Variants in TEX14 observed in about 807,000 individuals in gnomAD.
TEX14 encodes testis expressed 14, intercellular bridge forming factor.
Under a neutral mutation model 178.6 loss-of-function variants are expected in TEX14, and 168 were observed. The observed-to-expected ratio is 0.94, with a 90% CI of 0.83 to 1.07. TEX14 has a LOEUF of 1.07. TEX14 is among the 50% of genes least tolerant of loss of function. The pLI is 0.00. For synonymous variants in TEX14, 626 were observed against 634.1 expected, an observed-to-expected ratio of 0.99 and a Z score of 0.19; for missense variants, 1,730 against 1,753.6, an observed-to-expected ratio of 0.99 and a Z score of 0.24.
intron 2 of TEX14, among the ~76,000 whole-genome samples, chr17:58,635,428 CTTTTTTT>C: frequency 7.7e-6 from 1 of 129,572 alleles, no homozygotes; most frequent in East Asian, 2.3e-4. Context: ...GGGCTTCTCT[CTTTTTTT>C]TTTTTTTTTT....
chr17:58,645,266 G>A (rs1278544740), intron 2 of TEX14, among the ~76,000 whole-genome samples: 1 of 152,128 alleles, frequency 6.6e-6, no homozygotes, highest in Non-Finnish European at 1.5e-5. Context: ...GGGATTACAG[G>A]CGTGAGCCAC....
At chr17:58,662,847 C>T (rs1164766590) in intron 1 of TEX14, among the ~76,000 whole-genome samples, 1 of 152,048 alleles carries the variant, frequency 6.6e-6, no homozygotes, top group Non-Finnish European at 1.5e-5. Flanking sequence ...TGACCGGGCG[C>T]GGTGGCTCAC....
chr17:58,683,439 T>C (rs969658653), intron 1 of TEX14, among the ~76,000 whole-genome samples: 2 of 151,586 alleles, frequency 1.3e-5, no homozygotes, highest in Non-Finnish European at 2.9e-5. Context: ...ATAAAATCTT[T>C]ATAAACTGAA....
intron 1 of TEX14, among the ~76,000 whole-genome samples, chr17:58,656,987 T>C (rs1232099696): frequency 1.3e-5 from 2 of 151,204 alleles, no homozygotes; most frequent in Non-Finnish European, 2.9e-5. Context: ...TATTTTAATG[T>C]TTTTAGAGGT....
At chr17:58,659,290 C>G (rs1031317084) in intron 1 of TEX14, 39 of 960,776 alleles carry the variant, frequency 4.1e-5, no homozygotes, top group Admixed American at 6.2e-5. Flanking sequence ...GCGTCTCTCC[C>G]CCGCCACAAA....
At chr17:58,616,734 A>ATAT (rs1363264762) in intron 6 of TEX14, among the ~76,000 whole-genome samples, 1 of 152,096 alleles carries the variant, frequency 6.6e-6, no homozygotes, top group African/African-American at 2.4e-5. Flanking sequence ...ACAACTCTTT[A>ATAT]TATTATCTTT....
In TEX14 at chr17:58,604,992, T is replaced by G. The variant is rs147954433; in HGVS notation, c.1322A>C (p.Gln441Pro). Residue 441 changes from glutamine (Q) to proline (P), a missense_variant, in exon 11 of 32, where the codon CAG becomes CCG. Coordinates refer to ENST00000349033, the MANE Select transcript of TEX14 (RefSeq NM_031272.5). ...SDIYSFSMIM[Q>P]EILTDDIPWK... ...TCTTGATCTACCTGTTAAAATCTCC[T>G]GCATGATCATAGAAAAGCTGTAGAT... 7 of 1,614,202 alleles carry G rather than the reference T, an allele frequency of 4.3e-6. No homozygotes were observed. Among genetic ancestry groups the G allele is most frequent in the Non-Finnish European group, 5.1e-6 (6 of 1,180,024 alleles).
chr17:58,672,347 C>A (rs544761294), intron 1 of TEX14, among the ~76,000 whole-genome samples: 13 of 152,298 alleles, frequency 8.5e-5, no homozygotes, highest in African/African-American at 3.1e-4. Context: ...CCCAGCACTG[C>A]TGGAGAAAAA....
intron 29 of TEX14, among the ~76,000 whole-genome samples, chr17:58,559,808 C>T (rs574842503): frequency 6.6e-6 from 1 of 152,226 alleles, no homozygotes; most frequent in African/African-American, 2.4e-5. Flanking sequence ...GAAACCGAGG[C>T]ACAGAGAAGT....
intron 2 of TEX14, among the ~76,000 whole-genome samples, chr17:58,642,620 C>G (rs971331805): frequency 1.3e-5 from 2 of 151,830 alleles, no homozygotes; most frequent in African/African-American, 4.8e-5. Context: ...TTCTGCCTCC[C>G]GGGTTCAAGT....
chr17:58,615,248 C>A lies in TEX14; in HGVS notation c.865G>T (p.Glu289Ter). ...CCTTCTCACCTGCTGTGTTCCTGCT[C>A]GGCAATTAACAAGTCGGCCAGCCGC... ...RLRLADLLIAEQEHSSKLRHP... is the reference protein window; with the variant it reads ...RLRLADLLIA The change falls in exon 8 of 32, where the codon GAG (glutamate) becomes TAG (stop). Residue 289 changes from glutamate (E) to a stop codon, truncating the protein, a stop_gained. Transcript: ENST00000349033. LOFTEE classifies it high-confidence loss of function. The A allele has an allele frequency of 6.2e-7, 1 of 1,611,884 alleles. No individual in the cohort carries two copies.
At chr17:58,647,527 G>A (rs2046739746) in intron 2 of TEX14, among the ~76,000 whole-genome samples, 3 of 149,662 alleles carry the variant, frequency 2.0e-5, no homozygotes, top group South Asian at 2.1e-4. Flanking sequence ...GCGAGACTCC[G>A]TCTCAAAGAA....
In TEX14 at chr17:58,599,499, T is replaced by C. The variant is rs1448713725; in HGVS notation, c.1846A>G (p.Ser616Gly). The change falls in exon 14 of 32, where the codon AGC becomes GGC. Residue 616 changes from serine to glycine, a missense_variant. Around this residue, in one of 2 missense-constraint regions of TEX14, gnomAD observed 941 missense variants for 1,072.4 expected, o/e 0.88. Coordinates refer to ENST00000349033, the MANE Select transcript of TEX14 (RefSeq NM_031272.5). ...TCGTTGATTTCGAAACTGCAGAGGC[T>C]TGGCTGACCTGTGCTGGGGCTGCTG... ...EASSPSTGQP[S>G]LCSFEINEIY... 1 of 1,602,894 alleles carries C rather than the reference T, an allele frequency of 6.2e-7. No individual in the cohort carries two copies. The highest frequency in any genetic ancestry group is 1.4e-5 in the African/African-American group (1 of 71,156).
At chr17:58,632,160 C>T (rs140778675) in intron 2 of TEX14, among the ~76,000 whole-genome samples, 15 of 152,356 alleles carry the variant, frequency 9.8e-5, no homozygotes, top group African/African-American at 3.1e-4. Flanking sequence ...AGGGAAACTG[C>T]CCGGTTTGGA....
intron 31 of TEX14, 83 bp downstream of exon 31, chr17:58,557,716 T>TA (rs2044173974): frequency 1.8e-6 from 2 of 1,098,964 alleles, no homozygotes; most frequent in Admixed American, 4.3e-5. Context: ...AATGTGTATT[T>TA]AGACACTGGT....
chr17:58,623,760 GAGA>G (rs972107131), intron 3 of TEX14, among the ~76,000 whole-genome samples: 10 of 141,124 alleles, frequency 7.1e-5, no homozygotes, highest in Non-Finnish European at 1.2e-4. Context: ...AAGAAAGAAG[GAGA>G]AGAAGGAGGA....
At chr17:58,609,329 T>A (rs2045691323) in intron 10 of TEX14, among the ~76,000 whole-genome samples, 1 of 152,184 alleles carries the variant, frequency 6.6e-6, no homozygotes, top group Non-Finnish European at 1.5e-5. Context: ...CAGGATGGTC[T>A]CGATTTCCTG....
chr17:58,637,795 G>C (rs892861586), intron 2 of TEX14, among the ~76,000 whole-genome samples: 1 of 151,900 alleles, frequency 6.6e-6, no homozygotes, highest in African/African-American at 2.4e-5. Context: ...TCTGGGGAGT[G>C]GGTTGTGGGA....
intron 1 of TEX14, among the ~76,000 whole-genome samples, chr17:58,671,119 C>T (rs536605582): frequency 3.9e-5 from 6 of 152,254 alleles, no homozygotes; most frequent in East Asian, 1.9e-4. Context: ...CTTTGAGCTA[C>T]ATCCTGGGTA....
Sources: allele counts gnomAD v4.1 joint callset (sites outside exome capture counted in the v4.1 genomes callset), GRCh38; gene constraint gnomAD v4.1.1; regional missense constraint gnomAD v4.1.1; transcripts MANE v1.5; gene names NCBI Gene and HGNC (gene_info 2026-07-23, HGNC 2026-07-21).